Variants in SUPV3L1 observed in about 807,000 individuals in gnomAD.
SUPV3L1 encodes ATP-dependent RNA helicase SUPV3L1, mitochondrial.
SUPV3L1 carries 35 observed loss-of-function variants against 70.0 expected under a neutral mutation model. The observed-to-expected ratio is 0.50, with a 90% CI of 0.38 to 0.66. The LOEUF (loss-of-function observed/expected upper bound fraction) is 0.66. SUPV3L1 is among the 30% of genes least tolerant of loss of function. The probability of loss-of-function intolerance (pLI) is 0.00; values close to 1 mark genes in which losing one functional copy is unlikely to be tolerated. For missense variants in SUPV3L1, 777 were observed against 961.5 expected (o/e 0.81, Z 2.54); for synonymous variants, 364 against 341.9 (o/e 1.06, Z -0.71).
chr10:69,207,595 C>T (rs73278658), intron 13 of SUPV3L1, among the ~76,000 whole-genome samples, 198 bp from the exon 14 acceptor site: 6,292 of 152,166 alleles, frequency 0.041, 458 homozygotes, highest in African/African-American at 0.14. Flanking sequence ...GGATTATAGA[C>T]GTGAGCCACT....
At chr10:69,186,375 G>A in intron 2 of SUPV3L1, 68 bp from the exon 3 acceptor site, 2 of 1,056,372 alleles carry the variant, frequency 1.9e-6, no homozygotes, top group Admixed American at 1.9e-5. Flanking sequence ...TGAGTTTGGT[G>A]TGGTGTGTCT....
Position 69,202,852 on chromosome 10 carries a change from C to T in SUPV3L1, c.1600-15C>T, listed in dbSNP as rs1024711522. On this transcript the variant is annotated splice_polypyrimidine_tract_variant and intron_variant, in intron 12 of 14. Coordinates refer to ENST00000359655, the MANE Select transcript of SUPV3L1 (RefSeq NM_003171.5). ...ACTTAGGCAGTCCAGTAATTTCTGT[C>T]TTTTTTTCCCCAAGGATATTTTTGT... is the stretch of plus-strand genomic sequence containing the variant. 1 of 1,606,966 alleles carries T rather than the reference C, an allele frequency of 6.2e-7. No individual in the cohort carries two copies. The highest frequency in any genetic ancestry group is 1.7e-5 in the Admixed American group (1 of 59,018).
chr10:69,194,695 G>A (rs935576224), intron 6 of SUPV3L1, among the ~76,000 whole-genome samples: 20 of 149,368 alleles, frequency 1.3e-4, no homozygotes, highest in African/African-American at 4.6e-4. Context: ...AGGATTGCTT[G>A]AGCCTAGGAG....
chr10:69,197,230 A>G (rs1408122346), intron 8 of SUPV3L1, 147 bp downstream of exon 8: 2 of 643,744 alleles, frequency 3.1e-6, no homozygotes, highest in African/African-American at 1.8e-5. Flanking sequence ...TAGACCATAT[A>G]TATTTGATTG....
chr10:69,201,420 C>T (rs532706025), intron 11 of SUPV3L1, among the ~76,000 whole-genome samples: 26 of 151,954 alleles, frequency 1.7e-4, no homozygotes, highest in African/African-American at 6.0e-4. Context: ...ATGTATATAT[C>T]TATGTTAGTT....
chr10:69,194,227 T>C (rs546151740), intron 6 of SUPV3L1, among the ~76,000 whole-genome samples: 1 of 152,250 alleles, frequency 6.6e-6, no homozygotes, highest in Admixed American at 6.5e-5. Context: ...GACTTGGAGC[T>C]GGATGTGGTG....
At chr10:69,183,882 CT>C (rs11375472) in intron 1 of SUPV3L1, among the ~76,000 whole-genome samples, 192 of 143,844 alleles carry the variant, frequency 1.3e-3, no homozygotes, top group Non-Finnish European at 1.4e-3. Flanking sequence ...TCCCCAGTGT[CT>C]TTTTTTTTTT....
Position 69,208,849 on chromosome 10 carries a change from C to T in SUPV3L1, c.2175C>T (p.Ser725=), listed in dbSNP as rs534629525. 57 of 1,614,146 alleles carry T rather than the reference C, an allele frequency of 3.5e-5. No individual in the cohort carries two copies. Among genetic ancestry groups the T allele is most frequent in the Admixed American group, 1.2e-4 (7 of 60,016 alleles). Residue 725 remains serine, a synonymous_variant, in exon 15 of 15, where the codon AGC becomes AGT. Coordinates refer to ENST00000359655, the MANE Select transcript of SUPV3L1 (RefSeq NM_003171.5). ...ALGSKATEPP[S]PDAGELSLAS... is the part of the protein sequence containing the mutation. ...GGAGTAAAGCTACTGAGCCACCCAG[C>T]CCCGATGCAGGAGAGCTGTCCCTTG...
At chr10:69,196,223 G>C (rs60071427) in intron 7 of SUPV3L1, among the ~76,000 whole-genome samples, 6,350 of 152,182 alleles carry the variant, frequency 0.042, 467 homozygotes, top group African/African-American at 0.14. Context: ...TGGGTGCGGT[G>C]GCTCACGCCT....
At chr10:69,200,838 A>G (rs1842664551) in intron 11 of SUPV3L1, among the ~76,000 whole-genome samples, 1 of 152,226 alleles carries the variant, frequency 6.6e-6, no homozygotes, top group African/African-American at 2.4e-5. Context: ...AGTGGACTGA[A>G]AAATGACCAG....
chr10:69,206,097 T>C (rs1273233792), intron 13 of SUPV3L1, among the ~76,000 whole-genome samples: 1 of 152,178 alleles, frequency 6.6e-6, no homozygotes, highest in Non-Finnish European at 1.5e-5. Flanking sequence ...CTTTTATGTA[T>C]TGGGCTTCCA....
Position 69,208,665 on chromosome 10 carries a change from G to A in SUPV3L1, c.1991G>A (p.Gly664Asp), listed in dbSNP as rs1292195313. 3 of 1,614,188 alleles carry A rather than the reference G, an allele frequency of 1.9e-6. No homozygotes were observed. The highest frequency in any genetic ancestry group is 1.6e-4 in the Middle Eastern group (1 of 6,062). Residue 664 changes from glycine to aspartate, a missense_variant, in exon 15 of 15, where the codon GGT (glycine) becomes GAT (aspartate). Coordinates refer to ENST00000359655, the MANE Select transcript of SUPV3L1 (RefSeq NM_003171.5). ...LIRDLQKELD[G>D]IIQDGVHNIT... ...CGAGATCTCCAGAAAGAACTAGATGGTATTATCCAAGATGGTGTGCACAAT... is the reference window on the plus strand; with the variant it reads ...CGAGATCTCCAGAAAGAACTAGATGATATTATCCAAGATGGTGTGCACAAT...
chr10:69,196,455 C>CATG (rs1842544876), intron 7 of SUPV3L1, among the ~76,000 whole-genome samples: 1 of 151,524 alleles, frequency 6.6e-6, no homozygotes. Context: ...GAACCGAGGT[C>CATG]ATGCCACTGC....
In SUPV3L1 at chr10:69,195,268, T is replaced by TCC; in HGVS notation, c.931+3_931+4insCC. ...GGCCTGGACCAGAGCACTTCTAGGT[T>TCC]GGTGGTCGTAATGCTATAAAACCCG... On this transcript the variant is annotated splice_donor_region_variant and intron_variant, in intron 7 of 14. Transcript: ENST00000359655. 1 of 1,599,066 alleles carries TCC rather than the reference T, an allele frequency of 6.3e-7. No individual in the cohort carries two copies. Among genetic ancestry groups the TCC allele is most frequent in the Admixed American group, 1.8e-5 (1 of 56,672 alleles).
Position 69,187,651 on chromosome 10 carries a change from A to T in SUPV3L1, c.467A>T (p.Asp156Val). ...GTGTTTTATTTTCCAGCTCATGCGG[A>T]TGATTTATTCCCATTTTTCTTGAGA... ...NDICFGAAHA[D>V]DLFPFFLRHA... is the part of the protein sequence containing the mutation. Residue 156 changes from aspartate (D) to valine (V), a missense_variant, in exon 4 of 15, where the codon GAT becomes GTT. Physicochemically the swap from Asp to Val is radical, Grantham distance 152 (BLOSUM62 -3). Coordinates refer to ENST00000359655, the MANE Select transcript of SUPV3L1 (RefSeq NM_003171.5). 1 of 1,607,114 alleles carries T rather than the reference A, an allele frequency of 6.2e-7. No homozygotes were observed. The highest frequency in any genetic ancestry group is 8.5e-7 in the Non-Finnish European group (1 of 1,176,530).
chr10:69,208,109 A>C (rs966025134), intron 14 of SUPV3L1, among the ~76,000 whole-genome samples, 168 bp downstream of exon 14: 3 of 152,272 alleles, frequency 2.0e-5, no homozygotes, highest in African/African-American at 7.2e-5. Flanking sequence ...CCCATTCCAA[A>C]AATGACTTGA....
Position 69,180,268 on chromosome 10 carries a change from G to T in SUPV3L1, c.-24G>T. On this transcript the variant is annotated 5_prime_UTR_variant, in exon 1 of 15. Transcript: ENST00000359655. ...CGCCGCCGTGTCCGCGGCTGCGCCA[G>T]ACAGTGTAGAACCTGCGGCCTCGAT... 6.2e-7 allele frequency: 1 copy of T among 1,605,722 alleles called. No homozygotes were observed.
At position 69,191,715 on chromosome 10, in the gene SUPV3L1, C is replaced by T; in HGVS notation, c.802C>T (p.Gln268Ter). 1 of 1,613,988 alleles carries T rather than the reference C, an allele frequency of 6.2e-7. No individual in the cohort carries two copies. Among genetic ancestry groups the T allele is most frequent in the Non-Finnish European group, 8.5e-7 (1 of 1,179,978 alleles). The change falls in exon 6 of 15, where the codon CAG (glutamine) becomes TAG (stop). Residue 268 changes from glutamine (Q) to a stop codon, truncating the protein, a stop_gained. Transcript: ENST00000359655. LOFTEE classifies it high-confidence loss of function. ...ERVTVQPNGK[Q>*]ASHVSCTVEM... is the part of the protein sequence containing the mutation. The stretch of plus-strand genomic sequence containing the variant: ...TGTGACAGTTCAGCCAAATGGGAAA[C>T]AGGCTTCACATGTTTCTTGTACAGT...
chr10:69,199,561 T>G (rs977609244), intron 10 of SUPV3L1, among the ~76,000 whole-genome samples: 5 of 152,004 alleles, frequency 3.3e-5, no homozygotes, highest in African/African-American at 7.2e-5. Context: ...TCTTTTTTTT[T>G]GGGTAGTGAC....
Sources: gnomAD v4.1 joint callset for allele counts (sites outside exome capture counted in the v4.1 genomes callset) on GRCh38, gnomAD v4.1.1 for gene constraint, MANE v1.5 for transcripts, NCBI Gene and HGNC (gene_info 2026-07-23, HGNC 2026-07-21) for gene names.